Variants in ZNF599 observed in about 807,000 individuals in gnomAD.
ZNF599 encodes the protein zinc finger protein 599.
Under a neutral mutation model 11.7 loss-of-function variants are expected in ZNF599, and 10 were observed. That is an observed-to-expected ratio of 0.86 (90% confidence interval 0.53 to 1.45). The LOEUF (loss-of-function observed/expected upper bound fraction) is 1.45. Among genes scored for constraint, ZNF599 ranks in the 40% most tolerant of loss-of-function variants. ZNF599 has a pLI of 0.00. For synonymous variants in ZNF599, 232 were observed against 253.2 expected (o/e 0.92, Z 0.79); for missense variants, 688 against 713.6 (o/e 0.96, Z 0.41).
At chr19:34,774,629 A>G (rs2069207852), upstream of ZNF599, among the ~76,000 whole-genome samples, 1 of 152,220 alleles carries the variant, frequency 6.6e-6, no homozygotes, top group East Asian at 1.9e-4. Context: ...AGCATCCAGA[A>G]AGAGATAATG....
the ZNF599 span, among the ~76,000 whole-genome samples, chr19:34,791,049 T>A: frequency 6.6e-6 from 1 of 152,246 alleles, no homozygotes; most frequent in Non-Finnish European, 1.5e-5. Context: ...ATTATCTAAC[T>A]ATACCATCAG....
chr19:34,760,613 A>C (rs2069106920), intron 3 of ZNF599, 54 bp from the exon 4 acceptor site: 1 of 1,451,268 alleles, frequency 6.9e-7, no homozygotes. Flanking sequence ...CAACAGAACA[A>C]ACAAAATCAC....
At chr19:34,762,286 G>A (rs182584715) in intron 3 of ZNF599, among the ~76,000 whole-genome samples, 45 of 152,302 alleles carry the variant, frequency 3.0e-4, no homozygotes, top group Non-Finnish European at 6.2e-4. Context: ...ACCACAATGA[G>A]ATGCCCCATT....
At chr19:34,802,823 T>C in the ZNF599 span, among the ~76,000 whole-genome samples, 4 of 152,220 alleles carry the variant, frequency 2.6e-5, no homozygotes, top group East Asian at 3.9e-4. Flanking sequence ...GAAGCACCCA[T>C]AGCTCTTCCC....
upstream of ZNF599, among the ~76,000 whole-genome samples, chr19:34,777,361 A>AT (rs1368134086): frequency 1.2e-5 from 1 of 86,458 alleles, no homozygotes; most frequent in Non-Finnish European, 2.1e-5. Context: ...ATTATATATT[A>AT]ATATATTATA....
At chr19:34,781,054 G>T in the ZNF599 span, among the ~76,000 whole-genome samples, 7 of 152,124 alleles carry the variant, frequency 4.6e-5, no homozygotes, top group Non-Finnish European at 1.0e-4. Context: ...TACTCAGGAG[G>T]CTGAGGCAGG....
At chr19:34,790,440 A>C in the ZNF599 span, among the ~76,000 whole-genome samples, 1 of 152,152 alleles carries the variant, frequency 6.6e-6, no homozygotes, top group South Asian at 2.1e-4. Flanking sequence ...GCCTTAAAAA[A>C]GGGGGGAAAT....
chr19:34,804,216 T>A, the ZNF599 span, among the ~76,000 whole-genome samples: 1 of 152,238 alleles, frequency 6.6e-6, no homozygotes, highest in Non-Finnish European at 1.5e-5. Context: ...TCCACTATCC[T>A]GGCGAGTCCG....
upstream of ZNF599, among the ~76,000 whole-genome samples, chr19:34,776,921 G>C (rs2069218534): frequency 6.6e-6 from 1 of 152,026 alleles, no homozygotes; most frequent in South Asian, 2.1e-4. Flanking sequence ...TTGGGTCATA[G>C]GGTCACTGCC....
chr19:34,767,936 AGT>A (rs1356200750), intron 2 of ZNF599, among the ~76,000 whole-genome samples: 2 of 152,198 alleles, frequency 1.3e-5, no homozygotes, highest in African/African-American at 4.8e-5. Context: ...CATTAGGTAA[AGT>A]AAGAAATTAT....
chr19:34,759,351 AT>A lies in ZNF599; in HGVS notation c.1449del (p.Glu483AspfsTer16), dbSNP rs771590787. 2 of 1,614,114 alleles carry A rather than the reference AT, an allele frequency of 1.2e-6. No homozygotes were observed. Among genetic ancestry groups the A allele is most frequent in the Non-Finnish European group, 1.7e-6 (2 of 1,180,006 alleles). ...HSGQKPLECK[E>X]CAKAFYYSSS... Reference sequence around the variant, plus strand: ...GAGCTATAGTAAAAGGCTTTTGCACATTCTTTGCACTCCAAGGGTTTTTGTC... The same window carrying A: ...GAGCTATAGTAAAAGGCTTTTGCACATCTTTGCACTCCAAGGGTTTTTGTC... On this transcript the variant is annotated frameshift_variant, in exon 4 of 4. Transcript: ENST00000329285. LOFTEE classifies it low-confidence loss of function (END_TRUNC).
At chr19:34,779,242 GCTTT>G in the ZNF599 span, among the ~76,000 whole-genome samples, 1 of 98,534 alleles carries the variant, frequency 1.0e-5, no homozygotes, top group Non-Finnish European at 2.0e-5. Flanking sequence ...ACCATGCCCA[GCTTT>G]TTTTTTTTTT....
the ZNF599 span, among the ~76,000 whole-genome samples, chr19:34,804,591 T>C: frequency 1.3e-5 from 2 of 152,270 alleles, no homozygotes; most frequent in African/African-American, 4.8e-5. Context: ...AATGACTCCC[T>C]AGAGTTCCAG....
At chr19:34,801,413 C>G in the ZNF599 span, among the ~76,000 whole-genome samples, 7 of 152,338 alleles carry the variant, frequency 4.6e-5, no homozygotes, top group African/African-American at 1.7e-4. Flanking sequence ...CTAATAAGGT[C>G]TTTCTCCAGT....
the ZNF599 span, among the ~76,000 whole-genome samples, chr19:34,798,915 C>T: frequency 6.6e-6 from 1 of 152,184 alleles, no homozygotes; most frequent in Non-Finnish European, 1.5e-5. Context: ...ATTCAACCCT[C>T]CCCCAATCTC....
intron 1 of ZNF599, 38 bp from the exon 2 acceptor site, chr19:34,769,593 C>T: frequency 6.3e-7 from 1 of 1,598,366 alleles, no homozygotes; most frequent in Non-Finnish European, 8.5e-7. Flanking sequence ...GGCTGTGGAG[C>T]TATTAGGTGA....
At chr19:34,791,849 T>C in the ZNF599 span, 1 of 152,246 alleles carries the variant, frequency 6.6e-6, no homozygotes, top group Non-Finnish European at 1.5e-5. Flanking sequence ...GAGGCCTCTC[T>C]TCACCACACA....
At chr19:34,773,679 C>G (rs2069201167), upstream of ZNF599, among the ~76,000 whole-genome samples, 1 of 150,676 alleles carries the variant, frequency 6.6e-6, no homozygotes, top group Non-Finnish European at 1.5e-5. Flanking sequence ...TTCTTAGTCC[C>G]CACCCACTGA....
the ZNF599 span, among the ~76,000 whole-genome samples, chr19:34,803,078 G>C: frequency 2.6e-5 from 4 of 152,136 alleles, no homozygotes; most frequent in African/African-American, 9.7e-5. Flanking sequence ...GGGGCGGAGA[G>C]GTCACCTGGC....
Sources: gnomAD v4.1 joint callset for allele counts (sites outside exome capture counted in the v4.1 genomes callset) on GRCh38, gnomAD v4.1.1 for gene constraint, MANE v1.5 for transcripts, NCBI Gene and HGNC (gene_info 2026-07-23, HGNC 2026-07-21) for gene names.